The following SP140 variants were observed in gnomAD, a reference collection of about 807,000 sequenced individuals.
The protein encoded by SP140 is SP140 nuclear body protein, also known as nuclear body protein SP140.
In SP140, 81 loss-of-function variants were observed where a neutral mutation model predicts 125.0. The ratio of observed to expected loss-of-function variants is 0.65; its 90% confidence interval spans 0.54 to 0.78. The LOEUF (loss-of-function observed/expected upper bound fraction) is 0.78, where lower values mean the gene tolerates loss of function less well. Ranked by LOEUF, SP140 falls within the 30% of genes least tolerant of loss-of-function variation. The probability of loss-of-function intolerance (pLI) is 0.00; values close to 1 mark genes in which losing one functional copy is unlikely to be tolerated. For missense variants in SP140, 858 were observed against 1,037.0 expected, an observed-to-expected ratio of 0.83 and a Z score of 2.37; for synonymous variants, 312 against 354.0, an observed-to-expected ratio of 0.88 and a Z score of 1.33.
chr2:230,309,813 T>C, intron 22 of SP140, 111 bp from the exon 23 acceptor site: 4 of 1,041,304 alleles, frequency 3.8e-6, no homozygotes, highest in Non-Finnish European at 5.8e-6. Context: ...GGGAGAAGCA[T>C]TTGCCTGTCC....
At chr2:230,305,873 G>A (rs1013937013) in intron 22 of SP140, among the ~76,000 whole-genome samples, 5 of 152,260 alleles carry the variant, frequency 3.3e-5, no homozygotes, top group African/African-American at 4.8e-5. Context: ...TAGAGTGACT[G>A]CTGTGCCTGG....
rs41309096 is a variant in SP140 at position 230,212,439 on chromosome 2, G to A, written c.-322-1215G>A. ...TAACTTGTCATTGGTCACTGAAGGA[G>A]GAAAGGAAATTATTACAGATTGCAG... On this transcript the variant is annotated intron_variant, in intron 1 of 4. Transcript: ENST00000456542. 0.25 allele frequency: 392,803 copies of A among 1,582,472 alleles called. 50,454 individuals are homozygous for A. Among genetic ancestry groups the A allele is most frequent in the African/African-American group, 0.34 (25,398 of 74,430 alleles).
intron 20 of SP140, 127 bp from the exon 21 acceptor site, chr2:230,294,144 T>C: frequency 1.4e-6 from 1 of 714,578 alleles, no homozygotes; most frequent in Middle Eastern, 2.4e-4. Context: ...GGTTTCTCAT[T>C]AGACACCTTG....
At chr2:230,284,182 A>G (rs538994562) in intron 15 of SP140, among the ~76,000 whole-genome samples, 164 bp from the exon 16 acceptor site, 1 of 152,298 alleles carries the variant, frequency 6.6e-6, no homozygotes, top group South Asian at 2.1e-4. Flanking sequence ...GGTAAAATAT[A>G]ACTCTGTACT....
intron 15 of SP140, among the ~76,000 whole-genome samples, chr2:230,283,691 A>G (rs2149433049): frequency 6.6e-6 from 1 of 152,240 alleles, no homozygotes; most frequent in East Asian, 1.9e-4. Flanking sequence ...CAGTCAGAAA[A>G]TCAGTGCACT....
rs768437034 is a variant in SP140 at position 230,270,577 on chromosome 2, A to G, written c.1445-9A>G. The G allele has an allele frequency of 1.9e-6, 3 of 1,605,274 alleles. No individual in the cohort carries two copies. The highest frequency in any genetic ancestry group is 2.6e-6 in the Non-Finnish European group (3 of 1,176,166). ...TTCTGTTTCCTCACCACCACTTGTT[A>G]TTTTCCAGATACTGTGGATATTGCA... On this transcript the variant is annotated splice_polypyrimidine_tract_variant and intron_variant, in intron 14 of 26. Coordinates refer to ENST00000392045, the MANE Select transcript of SP140 (RefSeq NM_007237.5).
chr2:230,244,747 G>A lies in SP140; in HGVS notation c.572-241G>A, dbSNP rs191444509. Among the ~76,000 whole-genome samples the A allele has an allele frequency of 1.3e-3, 203 of 152,202 alleles. 4 individuals carry two copies. Among genetic ancestry groups the A allele is most frequent in the African/African-American group, 4.6e-3 (190 of 41,536 alleles). On this transcript the variant is annotated intron_variant, in intron 5 of 26. Coordinates refer to ENST00000392045, the MANE Select transcript of SP140 (RefSeq NM_007237.5). ...ATCCCAGGGAGTCAAGGAGATGGAC[G>A]GTGCTTCATGGCGTAGAAGCAAGAG...
chr2:230,189,613 A>G, the SP140 span, among the ~76,000 whole-genome samples: 133,506 of 152,132 alleles, frequency 0.88, 58,628 homozygotes, highest in East Asian at 1. Flanking sequence ...CGTGCAGAAC[A>G]TGCAGGTTTC....
rs568546582 is a variant in SP140 at position 230,286,325 on chromosome 2, T to C, written c.1645+493T>C. ...TTCCCCAGTTTAAAGCACCTTCGCTTCTTCAGCCTAGGCAAGCCTTAGTCT... is the reference window on the plus strand; with the variant it reads ...TTCCCCAGTTTAAAGCACCTTCGCTCCTTCAGCCTAGGCAAGCCTTAGTCT... On this transcript the variant is annotated intron_variant, in intron 17 of 26. Transcript: ENST00000392045. Among the ~76,000 whole-genome samples the C allele has an allele frequency of 1.2e-3, 189 of 152,334 alleles. 1 individual carries two copies. The highest frequency in any genetic ancestry group is 4.2e-3 in the African/African-American group (173 of 41,578).
chr2:230,263,356 G>A (rs532772924), intron 12 of SP140, among the ~76,000 whole-genome samples: 2 of 152,196 alleles, frequency 1.3e-5, no homozygotes, highest in South Asian at 4.2e-4. Context: ...GAGTCCTTAT[G>A]TGCTAGGTGA....
intron 12 of SP140, among the ~76,000 whole-genome samples, chr2:230,260,822 A>G (rs2052109859): frequency 6.6e-6 from 1 of 151,508 alleles, no homozygotes; most frequent in Non-Finnish European, 1.5e-5. Context: ...TACCAGTACC[A>G]CTCTGTTTTG....
At position 230,211,506 on chromosome 2, in the gene SP140, G is replaced by A; in HGVS notation, c.-322-2148G>A. On this transcript the variant is annotated intron_variant, in intron 1 of 4. Coordinates refer to the SP140 transcript ENST00000456542. This position sits in a 1 kb window ranked among gnomAD's most constrained non-coding sequence, Gnocchi z 4.2. The stretch of plus-strand genomic sequence containing the variant: ...CCCAAGGGAGAGTGGGGCATCTCTT[G>A]AGGGTCTTCTTTATCTCTTATTTGG... 1 of 1,611,910 alleles carries A rather than the reference G, an allele frequency of 6.2e-7. No homozygotes were observed. The highest frequency in any genetic ancestry group is 8.5e-7 in the Non-Finnish European group (1 of 1,177,980).
chr2:230,270,989 C>G (rs138063474), intron 15 of SP140, among the ~76,000 whole-genome samples: 129 of 152,220 alleles, frequency 8.5e-4, no homozygotes, highest in African/African-American at 3.0e-3. Flanking sequence ...AGAAATATGT[C>G]ATGTTGCAGG....
chr2:230,193,107 CCTT>C, the SP140 span, among the ~76,000 whole-genome samples: 1 of 152,034 alleles, frequency 6.6e-6, no homozygotes, highest in Non-Finnish European at 1.5e-5. Flanking sequence ...TATATAATGA[CCTT>C]CTTTGCCTTT....
intron 1 of SP140, among the ~76,000 whole-genome samples, chr2:230,206,216 T>C (rs940463442): frequency 1.3e-5 from 2 of 152,132 alleles, no homozygotes; most frequent in African/African-American, 4.8e-5. Flanking sequence ...GTTGTCTACA[T>C]ATGTTATCAC....
chr2:230,310,127 T>C, intron 23 of SP140, 88 bp downstream of exon 23: 1 of 1,291,538 alleles, frequency 7.7e-7, no homozygotes. Flanking sequence ...CCGGCTTGTG[T>C]CTAGATGGGG....
chr2:230,260,806 T>G (rs1025419577), intron 12 of SP140, among the ~76,000 whole-genome samples: 4 of 152,184 alleles, frequency 2.6e-5, no homozygotes, highest in Admixed American at 6.5e-5. Flanking sequence ...TCTACGTCTA[T>G]TTTTGTACCA....
rs1396009114 is a variant in SP140 at position 230,269,596 on chromosome 2, C to T, written c.1305C>T (p.Ser435=). The change falls in exon 13 of 27, where the codon AGC becomes AGT. Residue 435 remains serine, a synonymous_variant. Coordinates refer to ENST00000392045, the MANE Select transcript of SP140 (RefSeq NM_007237.5). ...EEGESEELAS[S]LLYDNVPGAE... is the part of the protein sequence containing the mutation. ...GAGAATCAGAAGAGCTTGCTTCTAG[C>T]CTGCTATATGATAATGTACCAGGTA... 1 of 1,589,774 alleles carries T rather than the reference C, an allele frequency of 6.3e-7. No individual in the cohort carries two copies. Among genetic ancestry groups the T allele is most frequent in the Admixed American group, 1.7e-5 (1 of 57,596 alleles).
intron 18 of SP140, among the ~76,000 whole-genome samples, chr2:230,288,507 TTCTTTCTTTC>T (rs2056721407): frequency 8.2e-6 from 1 of 122,044 alleles, no homozygotes; most frequent in Non-Finnish European, 1.8e-5. Flanking sequence ...CTTTCTTTCT[TTCTTTCTTTC>T]TTTCTTTTTT....
Sources: gnomAD v4.1 joint callset for allele counts (sites outside exome capture counted in the v4.1 genomes callset) on GRCh38, gnomAD v4.1.1 for gene constraint, Gnocchi (gnomAD v3.1) non-coding constraint, MANE v1.5 for transcripts, NCBI Gene and HGNC (gene_info 2026-07-23, HGNC 2026-07-21) for gene names.